ABI3: variants seen among roughly 807,000 people sequenced by gnomAD.
ABI3 encodes the protein ABI family member 3, also known as ABI gene family member 3.
Under a neutral mutation model 37.0 loss-of-function variants are expected in ABI3, and 24 were observed. That is an observed-to-expected ratio of 0.65 (90% confidence interval 0.47 to 0.91). The LOEUF (loss-of-function observed/expected upper bound fraction) is 0.91. Among genes scored for constraint, ABI3 ranks in the 40% least tolerant of loss-of-function variants. The pLI, the probability that ABI3 is intolerant of heterozygous loss-of-function variation, is 0.00. For missense variants in ABI3, 481 were observed against 485.1 expected (o/e 0.99, Z 0.08); for synonymous variants, 220 against 211.8 (o/e 1.04, Z -0.34).
intron 1 of ABI3, among the ~76,000 whole-genome samples, chr17:49,214,287 C>T (rs901245379): frequency 2.6e-5 from 4 of 152,206 alleles, no homozygotes; most frequent in African/African-American, 7.2e-5. Context: ...CCCCTACCTG[C>T]CTTAGAAAGG....
chr17:49,220,846 AAATAATAATAATAAT>A lies in ABI3; in HGVS notation c.802+553_802+567del, dbSNP rs201119263. Among the ~76,000 whole-genome samples the A allele has an allele frequency of 3.8e-3, 516 of 137,264 alleles. 6 individuals are homozygous for A. Among genetic ancestry groups the A allele is most frequent in the African/African-American group, 5.5e-3 (200 of 36,228 alleles). 90.1% of individuals were successfully genotyped at this position (137,264 alleles called of 152,430 possible). A position where few individuals can be genotyped will look rare whatever the true frequency, so the allele number is the denominator to read the frequency against. On this transcript the variant is annotated intron_variant, in intron 6 of 7. Transcript: ENST00000225941. ...GCAACAAGAGCGAAACTCCATCTCA[AAATAATAATAATAAT>A]AATAATAATAATAATAATAATAATA...
intron 1 of ABI3, among the ~76,000 whole-genome samples, chr17:49,211,775 G>A (rs1223058380): frequency 1.3e-5 from 2 of 151,990 alleles, no homozygotes; most frequent in African/African-American, 4.8e-5. Flanking sequence ...CTCCTGAGTA[G>A]CTGGAATTAC....
At chr17:49,211,359 C>T (rs2043165792) in intron 1 of ABI3, among the ~76,000 whole-genome samples, 2 of 152,128 alleles carry the variant, frequency 1.3e-5, no homozygotes, top group Admixed American at 6.6e-5. Context: ...CATGCAGAGG[C>T]AGGGGGATGG....
At position 49,210,982 on chromosome 17, in the gene ABI3, G is replaced by T. The variant is rs2043160636; in HGVS notation, c.117+141G>T. The T allele has an allele frequency of 1.5e-6, 1 of 686,716 alleles. No individual in the cohort carries two copies. The highest frequency in any genetic ancestry group is 2.4e-6 in the Non-Finnish European group (1 of 411,428). 42.5% of individuals were successfully genotyped at this position (686,716 alleles called of 1,614,324 possible). ...AGAAATCCTCCCATTCCAGGCTTCG[G>T]CTTCATCCCAGACCCCAATACTTAA... On this transcript the variant is annotated intron_variant, in intron 1 of 7. Transcript: ENST00000225941. This position sits in a 1 kb window ranked among gnomAD's most constrained non-coding sequence, Gnocchi z 4.2.
Position 49,222,711 on chromosome 17 carries a change from G to A in ABI3, c.1097G>A (p.Cys366Tyr), listed in dbSNP as rs1468885131. Reference sequence around the variant, plus strand: ...CCTGGGAACTATGTGGAGCCCAGCTGCTGACAGCCCAGGGCTCTCTGGGCA... The same window carrying A: ...CCTGGGAACTATGTGGAGCCCAGCTACTGACAGCCCAGGGCTCTCTGGGCA... Reference protein sequence around the residue: ...FFPGNYVEPSC With the variant: ...FFPGNYVEPSY Residue 366 changes from cysteine (C) to tyrosine (Y), a missense_variant, in exon 8 of 8, where the codon TGC becomes TAC. Transcript: ENST00000225941. 1.3e-6 allele frequency: 2 copies of A among 1,565,316 alleles called. No homozygotes were observed. Among genetic ancestry groups the A allele is most frequent in the East Asian group, 2.4e-5 (1 of 42,200 alleles).
At position 49,216,684 on chromosome 17, in the gene ABI3, A is replaced by C. The variant is rs757483449; in HGVS notation, c.271A>C (p.Ser91Arg). Residue 91 changes from serine to arginine, a missense_variant, in exon 2 of 8, where the codon AGC becomes CGC. Transcript: ENST00000225941. ...AALRQVEARV[S>R]TLGQMVNMHM... ...CCTGCGGCAGGTGGAAGCCCGTGTA[A>C]GCACGCTGGGCCAGGTAAGGGGCGT... 4.4e-6 allele frequency: 7 copies of C among 1,581,128 alleles called. No individual in the cohort carries two copies. The South Asian group carries it at 8.0e-5, about 18-fold the overall frequency.
In ABI3 at chr17:49,222,958, A is replaced by C; in HGVS notation, c.*243A>C. The stretch of plus-strand genomic sequence containing the variant: ...TTTGTCAACAGAGGACCCCTACTCC[A>C]TGCAGGACAGGGTCTCCTGCTGCAA... On this transcript the variant is annotated 3_prime_UTR_variant, in exon 8 of 8. Transcript: ENST00000225941. 1.8e-6 allele frequency: 1 copy of C among 557,790 alleles called. No homozygotes were observed. The highest frequency in any genetic ancestry group is 2.6e-5 in the South Asian group (1 of 38,444). The allele number at this position is 557,790 out of a possible 1,614,324, so 34.6% of individuals were successfully genotyped here. A position where few individuals can be genotyped will look rare whatever the true frequency, so the allele number is the denominator to read the frequency against.
intron 6 of ABI3, 100 bp from the exon 7 acceptor site, chr17:49,221,991 T>G: frequency 7.1e-7 from 1 of 1,417,636 alleles, no homozygotes. Flanking sequence ...CGTGCCTCGC[T>G]GAGATGGGTG....
At position 49,216,707 on chromosome 17, in the gene ABI3, C is replaced by T. The variant is rs2233370; in HGVS notation, c.285+9C>T. ...TAAGCACGCTGGGCCAGGTAAGGGG[C>T]GTGGGGCGTGGGAAGGCATCTTGTG... On this transcript the variant is annotated intron_variant, in intron 2 of 7. Coordinates refer to ENST00000225941, the MANE Select transcript of ABI3 (RefSeq NM_016428.3). 2.8e-3 allele frequency: 4,248 copies of T among 1,494,876 alleles called. 104 individuals carry two copies. The African/African-American group carries it at 0.055, about 19-fold the overall frequency. The allele number at this position is 1,494,876 out of a possible 1,614,324, so 92.6% of individuals were successfully genotyped here. A position where few individuals can be genotyped will look rare whatever the true frequency, so the allele number is the denominator to read the frequency against.
At chr17:49,211,339 G>A (rs2043165394) in intron 1 of ABI3, among the ~76,000 whole-genome samples, 1 of 152,210 alleles carries the variant, frequency 6.6e-6, no homozygotes, top group Non-Finnish European at 1.5e-5. Context: ...GGGCTAAAGA[G>A]AGGGGATCTC....
At chr17:49,220,076 T>G in intron 5 of ABI3, 93 bp from the exon 6 acceptor site, 1 of 1,581,762 alleles carries the variant, frequency 6.3e-7, no homozygotes, top group African/African-American at 1.3e-5. Context: ...GGGTCACACG[T>G]GCAGGGCTGG....
Position 49,222,498 on chromosome 17 carries a change from G to C in ABI3, c.938-54G>C, listed in dbSNP as rs542242325. The C allele has an allele frequency of 2.1e-4, 334 of 1,588,084 alleles. 2 individuals carry two copies. In the African/African-American group the frequency reaches 4.1e-3, roughly 20 times the overall value. ...GCATCCCCATGGTGGTGGGGGGTGA[G>C]GGGGAGAGGGCAAGAGGCATTATCT... On this transcript the variant is annotated intron_variant, in intron 7 of 7. Transcript: ENST00000225941.
chr17:49,220,846 A>AAATAAT lies in ABI3; in HGVS notation c.802+562_802+567dup, dbSNP rs201119263. Among the ~76,000 whole-genome samples, 1,297 of 137,222 alleles carry AAATAAT rather than the reference A, an allele frequency of 9.5e-3. 11 individuals carry two copies. The highest frequency in any genetic ancestry group is 0.017 in the East Asian group (79 of 4,662). The allele number at this position is 137,222 out of a possible 152,430, so 90.0% of individuals were successfully genotyped here. On this transcript the variant is annotated intron_variant, in intron 6 of 7. Transcript: ENST00000225941. ...GCAACAAGAGCGAAACTCCATCTCA[A>AAATAAT]AATAATAATAATAATAATAATAATA...
At chr17:49,218,466 G>T (rs747523980) in intron 3 of ABI3, among the ~76,000 whole-genome samples, 1 of 152,162 alleles carries the variant, frequency 6.6e-6, no homozygotes, top group Non-Finnish European at 1.5e-5. Context: ...TTCAATTCCT[G>T]TCTCCACACC....
intron 1 of ABI3, among the ~76,000 whole-genome samples, chr17:49,214,670 A>G (rs1046889301): frequency 1.3e-5 from 2 of 152,200 alleles, no homozygotes; most frequent in Non-Finnish European, 2.9e-5. Flanking sequence ...AGATTGTGCC[A>G]TTGCACTCCA....
At chr17:49,217,608 G>T in intron 2 of ABI3, 131 bp from the exon 3 acceptor site, 1 of 752,262 alleles carries the variant, frequency 1.3e-6, no homozygotes. Flanking sequence ...CGGGGGGCGG[G>T]GGGCAGGGCC....
chr17:49,218,288 A>G (rs1038447338), intron 3 of ABI3, among the ~76,000 whole-genome samples: 1 of 152,194 alleles, frequency 6.6e-6, no homozygotes, highest in Non-Finnish European at 1.5e-5. Context: ...TGGGGGTTTG[A>G]GGTCACTGCA....
In ABI3 at chr17:49,210,772, G is replaced by T. The variant is rs2143504114; in HGVS notation, c.48G>T (p.Arg16=). 6.4e-7 allele frequency: 1 copy of T among 1,555,780 alleles called. No individual in the cohort carries two copies. The highest frequency in any genetic ancestry group is 8.7e-7 in the Non-Finnish European group (1 of 1,149,398). ...QLQEFEIPTG[R]EALRGNHSAL... Reference sequence around the variant, plus strand: ...AGGAGTTTGAGATCCCCACTGGCCGGGAGGCTCTGAGGGGCAACCACAGTG... The same window carrying T: ...AGGAGTTTGAGATCCCCACTGGCCGTGAGGCTCTGAGGGGCAACCACAGTG... Residue 16 remains arginine, a synonymous_variant, in exon 1 of 8, where the codon CGG becomes CGT. Coordinates refer to ENST00000225941, the MANE Select transcript of ABI3 (RefSeq NM_016428.3). The surrounding 1 kb of genome is among the most constrained non-coding windows in gnomAD (Gnocchi z 4.2).
intron 1 of ABI3, among the ~76,000 whole-genome samples, chr17:49,213,709 A>G (rs2043192783): frequency 6.6e-6 from 1 of 152,230 alleles, no homozygotes; most frequent in African/African-American, 2.4e-5. Context: ...CAGGCTGCAG[A>G]TGCCCAGAGC....
Sources: gnomAD v4.1 joint callset for allele counts (sites outside exome capture counted in the v4.1 genomes callset) on GRCh38, gnomAD v4.1.1 for gene constraint, Gnocchi (gnomAD v3.1) non-coding constraint, MANE v1.5 for transcripts, NCBI Gene and HGNC (gene_info 2026-07-23, HGNC 2026-07-21) for gene names.